UXS1: variants seen among roughly 807,000 people sequenced by gnomAD.
UXS1 encodes UDP-glucuronate decarboxylase 1, also known as UDP-glucuronic acid decarboxylase 1.
Under a neutral mutation model 62.6 loss-of-function variants are expected in UXS1, and 33 were observed. The observed-to-expected ratio is 0.53, with a 90% CI of 0.40 to 0.70. The LOEUF (loss-of-function observed/expected upper bound fraction) is 0.70, where lower values mean the gene tolerates loss of function less well. Among genes scored for constraint, UXS1 ranks in the 30% least tolerant of loss-of-function variants. UXS1 has a pLI of 0.00. For synonymous variants in UXS1, 213 were observed against 206.8 expected (o/e 1.03, Z -0.26); for missense variants, 434 against 556.3 (o/e 0.78, Z 2.21).
chr2:106,122,846 G>C, intron 9 of UXS1, 124 bp downstream of exon 9: 2 of 1,284,104 alleles, frequency 1.6e-6, no homozygotes, highest in Non-Finnish European at 1.1e-6. Context: ...CTGGGAAACT[G>C]AGCTTCCCAA....
intron 9 of UXS1, among the ~76,000 whole-genome samples, chr2:106,115,173 A>G (rs1420865503): frequency 6.6e-6 from 1 of 152,162 alleles, no homozygotes; most frequent in Non-Finnish European, 1.5e-5. Flanking sequence ...TGGATTGGAG[A>G]AAGGTATTCC....
intron 1 of UXS1, among the ~76,000 whole-genome samples, chr2:106,172,168 C>A (rs1256114630): frequency 6.6e-6 from 1 of 152,202 alleles, no homozygotes; most frequent in East Asian, 1.9e-4. Flanking sequence ...TGGGGAGGAC[C>A]CCCTGAGAGG....
At chr2:106,096,935 G>C (rs191562021) in intron 13 of UXS1, 114 bp from the exon 14 acceptor site, 4 of 1,044,518 alleles carry the variant, frequency 3.8e-6, no homozygotes, top group Admixed American at 4.0e-5. Context: ...GGGTGCAGGC[G>C]GTGGAAATGC....
intron 12 of UXS1, 103 bp downstream of exon 12, chr2:106,100,955 A>G (rs1302931607): frequency 1.6e-5 from 22 of 1,374,426 alleles, no homozygotes; most frequent in Non-Finnish European, 2.2e-5. Flanking sequence ...AAATGTCCTA[A>G]GTGTGCCGAT....
intron 5 of UXS1, among the ~76,000 whole-genome samples, chr2:106,146,713 G>C (rs1029532519): frequency 1.5e-5 from 2 of 136,554 alleles, no homozygotes; most frequent in Non-Finnish European, 3.1e-5. Context: ...CCAGGAGGCG[G>C]AAGTTGCAGT....
intron 6 of UXS1, among the ~76,000 whole-genome samples, chr2:106,141,286 T>C (rs896642939): frequency 1.1e-4 from 17 of 152,106 alleles, no homozygotes; most frequent in African/African-American, 4.1e-4. Flanking sequence ...TTCAGGACAA[T>C]ACATAATAGG....
At chr2:106,164,933 C>T in intron 2 of UXS1, 134 bp from the exon 3 acceptor site, 1 of 612,570 alleles carries the variant, frequency 1.6e-6, no homozygotes, top group Non-Finnish European at 2.7e-6. Flanking sequence ...CAATTCCCTC[C>T]AGAAGGGATG....
chr2:106,143,552 C>G (rs1216575014), intron 6 of UXS1, among the ~76,000 whole-genome samples: 1 of 151,622 alleles, frequency 6.6e-6, no homozygotes, highest in South Asian at 2.1e-4. Context: ...TATCCATTCA[C>G]GATCCGATCT....
At chr2:106,143,115 G>C (rs1429860714) in intron 6 of UXS1, among the ~76,000 whole-genome samples, 1 of 151,806 alleles carries the variant, frequency 6.6e-6, no homozygotes, top group Non-Finnish European at 1.5e-5. Context: ...AATGTTTCTT[G>C]CCATGTGCTA....
At chr2:106,143,873 G>A (rs1214089180) in intron 6 of UXS1, among the ~76,000 whole-genome samples, 4 of 152,202 alleles carry the variant, frequency 2.6e-5, no homozygotes, top group South Asian at 2.1e-4. Context: ...GTCTCCCCGC[G>A]GTATCTCTTC....
chr2:106,158,987 T>C (rs1350600843), intron 4 of UXS1, among the ~76,000 whole-genome samples: 2 of 152,110 alleles, frequency 1.3e-5, no homozygotes, highest in Admixed American at 1.3e-4. Flanking sequence ...CCCCATGATT[T>C]CACACCCAGC....
At chr2:106,118,142 T>C (rs914639889) in intron 9 of UXS1, among the ~76,000 whole-genome samples, 14 of 151,522 alleles carry the variant, frequency 9.2e-5, no homozygotes, top group Non-Finnish European at 1.2e-4. Flanking sequence ...AAGCTGCTAC[T>C]GGGCAGGTCC....
intron 7 of UXS1, among the ~76,000 whole-genome samples, chr2:106,128,770 T>C (rs570204230): frequency 3.6e-4 from 55 of 152,352 alleles, no homozygotes; most frequent in African/African-American, 1.3e-3. Flanking sequence ...GAACCTTGAC[T>C]AGTACCACCC....
At chr2:106,123,327 T>G (rs892409213) in intron 8 of UXS1, among the ~76,000 whole-genome samples, 7 of 151,962 alleles carry the variant, frequency 4.6e-5, no homozygotes, top group African/African-American at 7.2e-5. Flanking sequence ...AGATCAGGTC[T>G]CCCAATTTTA....
At chr2:106,162,051 C>A (rs905688088) in intron 4 of UXS1, among the ~76,000 whole-genome samples, 12 of 152,112 alleles carry the variant, frequency 7.9e-5, no homozygotes, top group African/African-American at 2.4e-4. Flanking sequence ...GACGGAGTTC[C>A]ATCAATTTCC....
chr2:106,109,184 G>A (rs1678371200), intron 10 of UXS1, among the ~76,000 whole-genome samples: 3 of 151,606 alleles, frequency 2.0e-5, no homozygotes, highest in South Asian at 2.1e-4. Context: ...TTTCCCCCCC[G>A]AAAAATCCCA....
At chr2:106,138,475 C>T in intron 6 of UXS1, 1 of 985,466 alleles carries the variant, frequency 1.0e-6, no homozygotes, top group African/African-American at 1.7e-5. Context: ...CTCCTGAGCC[C>T]ACTGCAGGTC....
At chr2:106,185,737 C>A (rs1484798442) in intron 1 of UXS1, among the ~76,000 whole-genome samples, 2 of 152,170 alleles carry the variant, frequency 1.3e-5, no homozygotes, top group Admixed American at 1.3e-4. Flanking sequence ...CCCGGATTAT[C>A]CAGTTGGGCT....
chr2:106,164,847 T>C, intron 2 of UXS1, 48 bp from the exon 3 acceptor site: 1 of 1,424,770 alleles, frequency 7.0e-7, no homozygotes, highest in Non-Finnish European at 9.5e-7. Context: ...TAAGACTGTT[T>C]CTGAATAAAT....
Sources: gnomAD v4.1 joint callset for allele counts (sites outside exome capture counted in the v4.1 genomes callset) on GRCh38, gnomAD v4.1.1 for gene constraint, MANE v1.5 for transcripts, NCBI Gene and HGNC (gene_info 2026-07-23, HGNC 2026-07-21) for gene names.